Variants in BLNK observed in about 807,000 individuals in gnomAD.
BLNK encodes B cell linker.
A neutral mutation model predicts 73.5 loss-of-function variants in BLNK; 29 were observed. That is an observed-to-expected ratio of 0.39 (90% CI 0.29 to 0.54). BLNK has a LOEUF of 0.54. BLNK is among the 20% of genes least tolerant of loss of function. The pLI, the probability that BLNK is intolerant of heterozygous loss-of-function variation, is 0.61. For missense variants in BLNK, 460 were observed against 562.8 expected, an observed-to-expected ratio of 0.82 and a Z score of 1.85; for synonymous variants, 176 against 200.8, an observed-to-expected ratio of 0.88 and a Z score of 1.04.
chr10:96,222,712 G>A (rs782154397), intron 6 of BLNK, among the ~76,000 whole-genome samples: 2 of 152,258 alleles, frequency 1.3e-5, no homozygotes, highest in African/African-American at 2.4e-5. Context: ...CAGGTTGTGC[G>A]GGGTACCTTA....
intron 3 of BLNK, among the ~76,000 whole-genome samples, chr10:96,233,372 C>T (rs1407400865): frequency 2.6e-5 from 4 of 152,118 alleles, no homozygotes; most frequent in Non-Finnish European, 5.9e-5. Flanking sequence ...TCCATCCTAC[C>T]GTTTGTAGTT....
At chr10:96,219,871 G>T (rs2084154951) in intron 6 of BLNK, among the ~76,000 whole-genome samples, 1 of 152,214 alleles carries the variant, frequency 6.6e-6, no homozygotes, top group Non-Finnish European at 1.5e-5. Context: ...CTGGAAGCTT[G>T]CATGGGTGAA....
At chr10:96,254,592 C>T (rs1843432507) in intron 1 of BLNK, among the ~76,000 whole-genome samples, 1 of 152,086 alleles carries the variant, frequency 6.6e-6, no homozygotes, top group African/African-American at 2.4e-5. Context: ...CTCACTGCAA[C>T]CTCCGCCTCC....
Position 96,191,964 on chromosome 10 carries a change from T to C in BLNK, c.*9A>G, listed in dbSNP as rs781794307. Reference sequence around the variant, plus strand: ...CTGAAGCAATGGTATTGATCTTTTTTTTCCCCCTTTATGAAACTTTAACTG... The same window carrying C: ...CTGAAGCAATGGTATTGATCTTTTTCTTCCCCCTTTATGAAACTTTAACTG... On this transcript the variant is annotated 3_prime_UTR_variant, in exon 17 of 17. Transcript: ENST00000224337. 1.2e-6 allele frequency: 2 copies of C among 1,613,522 alleles called. No homozygotes were observed. The highest frequency in any genetic ancestry group is 2.7e-5 in the African/African-American group (2 of 74,908).
In BLNK at chr10:96,259,628, A is replaced by G. The variant is rs115776324; in HGVS notation, c.47+11724T>C. ...TTCTTACTATCCACTTATTAACCGT[A>G]TAAAGTAATTTATAAGTTTCTCCAA... is the stretch of plus-strand genomic sequence containing the variant. On this transcript the variant is annotated intron_variant, in intron 1 of 16. Coordinates refer to ENST00000224337, the MANE Select transcript of BLNK (RefSeq NM_013314.4). Among the ~76,000 whole-genome samples the G allele has an allele frequency of 4.0e-3, 596 of 147,880 alleles. 12 individuals carry two copies. Among genetic ancestry groups the G allele is most frequent in the African/African-American group, 0.014 (572 of 39,562 alleles).
intron 5 of BLNK, 143 bp downstream of exon 5, chr10:96,227,267 C>G (rs1165481936): frequency 1.8e-6 from 2 of 1,088,384 alleles, no homozygotes; most frequent in Non-Finnish European, 2.6e-6. Context: ...GAGCCCAGAT[C>G]CCCTGCTTGG....
intron 3 of BLNK, among the ~76,000 whole-genome samples, chr10:96,231,167 T>C (rs1366624452): frequency 6.6e-6 from 1 of 152,148 alleles, no homozygotes; most frequent in African/African-American, 2.4e-5. Context: ...GATGGCGTAG[T>C]AGGAACAGCA....
At chr10:96,266,012 A>T (rs574745419) in intron 1 of BLNK, among the ~76,000 whole-genome samples, 2 of 152,348 alleles carry the variant, frequency 1.3e-5, no homozygotes, top group East Asian at 3.9e-4. Flanking sequence ...AGGCTGGGGA[A>T]GGATGTTTCT....
intron 1 of BLNK, among the ~76,000 whole-genome samples, chr10:96,260,252 A>C (rs1229632660): frequency 1.3e-5 from 2 of 152,328 alleles, no homozygotes; most frequent in East Asian, 3.9e-4. Flanking sequence ...CTAAGAGGTC[A>C]TGTCATTTAG....
At position 96,204,595 on chromosome 10, in the gene BLNK, C is replaced by T. The variant is rs782275274; in HGVS notation, c.839G>A (p.Arg280His). ...TTGTCTGTGACTTGACCCTCGGTGG[C>T]GTTCAGCAGGTATAGGTTTTTCTGG... is the stretch of plus-strand genomic sequence containing the variant. ...VCEEKPIPAE[R>H]HRGSSHRQEA... The change falls in exon 12 of 17, where the codon CGC (arginine) becomes CAC (histidine). Residue 280 changes from arginine to histidine, a missense_variant. By Grantham distance (29) the Arg-to-His change is conservative. Around this residue, in one of 3 missense-constraint regions of BLNK, gnomAD observed 233 missense variants for 232.1 expected, o/e 1.00. Transcript: ENST00000224337. The T allele has an allele frequency of 8.1e-6, 13 of 1,613,774 alleles. No individual in the cohort carries two copies. Among genetic ancestry groups the T allele is most frequent in the African/African-American group, 2.7e-5 (2 of 74,880 alleles).
intron 15 of BLNK, 21 bp from the exon 16 acceptor site, chr10:96,197,084 A>G: frequency 6.3e-7 from 1 of 1,595,878 alleles, no homozygotes; most frequent in Non-Finnish European, 8.6e-7. Context: ...TTTTTTAAAA[A>G]ACATAATTAT....
At chr10:96,257,251 G>T (rs1222388286) in intron 1 of BLNK, among the ~76,000 whole-genome samples, 2 of 152,202 alleles carry the variant, frequency 1.3e-5, no homozygotes, top group Non-Finnish European at 2.9e-5. Context: ...GAGATGGGGG[G>T]TTACAGGCTT....
At chr10:96,221,570 C>G (rs1554901165) in intron 6 of BLNK, among the ~76,000 whole-genome samples, 1 of 152,200 alleles carries the variant, frequency 6.6e-6, no homozygotes, top group African/African-American at 2.4e-5. Flanking sequence ...CCTGAGCCAC[C>G]TCCACAAGGC....
chr10:96,248,177 G>A (rs9663433), intron 1 of BLNK, among the ~76,000 whole-genome samples: 119,065 of 151,678 alleles, frequency 0.78, 48,330 homozygotes, highest in Non-Finnish European at 0.9. Context: ...ATAATAATAA[G>A]AACTACATAT....
chr10:96,217,599 G>A (rs1344199277), intron 6 of BLNK, among the ~76,000 whole-genome samples: 1 of 151,892 alleles, frequency 6.6e-6, no homozygotes, highest in African/African-American at 2.4e-5. Context: ...GTCAATTTTT[G>A]TATATTCTTT....
chr10:96,189,729 A>ATCATCT lies in BLNK; in HGVS notation c.*2238_*2243dup. 1 of 723,528 alleles carries ATCATCT rather than the reference A, an allele frequency of 1.4e-6. No individual in the cohort carries two copies. 44.8% of individuals were successfully genotyped at this position (723,528 alleles called of 1,614,324 possible). The stretch of plus-strand genomic sequence containing the variant: ...CATCATCATCATCATCATCATCATC[A>ATCATCT]TCATCTTCATCAGCAGCAAGTTTTA... On this transcript the variant is annotated 3_prime_UTR_variant, in exon 17 of 17. Transcript: ENST00000224337.
At chr10:96,257,335 G>T (rs1003903275) in intron 1 of BLNK, among the ~76,000 whole-genome samples, 3 of 152,206 alleles carry the variant, frequency 2.0e-5, no homozygotes, top group Non-Finnish European at 2.9e-5. Flanking sequence ...GAGGATCTCG[G>T]CCTGGGACAG....
intron 7 of BLNK, 133 bp from the exon 8 acceptor site, chr10:96,215,522 A>G: frequency 1.4e-6 from 1 of 719,134 alleles, no homozygotes; most frequent in Non-Finnish European, 2.3e-6. Flanking sequence ...AGAATGGGAG[A>G]CACCCTTATT....
At chr10:96,195,065 G>A (rs1027909276) in intron 16 of BLNK, among the ~76,000 whole-genome samples, 5 of 152,000 alleles carry the variant, frequency 3.3e-5, no homozygotes, top group African/African-American at 7.2e-5. Flanking sequence ...CACCGCGCCC[G>A]GCCAGAGAAA....
Sources: allele counts gnomAD v4.1 joint callset (sites outside exome capture counted in the v4.1 genomes callset), GRCh38; gene constraint gnomAD v4.1.1; regional missense constraint gnomAD v4.1.1; transcripts MANE v1.5; gene names NCBI Gene and HGNC (gene_info 2026-07-23, HGNC 2026-07-21).